ERP44: variants seen among roughly 807,000 people sequenced by gnomAD.
ERP44 encodes endoplasmic reticulum protein 44.
A neutral mutation model predicts 53.4 loss-of-function variants in ERP44; 25 were observed. The ratio of observed to expected loss-of-function variants is 0.47; its 90% CI spans 0.34 to 0.65. The LOEUF (loss-of-function observed/expected upper bound fraction) is 0.65, where lower values mean the gene tolerates loss of function less well. Ranked by LOEUF, ERP44 falls within the 30% of genes least tolerant of loss-of-function variation. The pLI is 0.01. For synonymous variants in ERP44, 145 were observed against 161.2 expected (o/e 0.90, Z 0.76); for missense variants, 338 against 493.2 (o/e 0.69, Z 2.98).
In ERP44 at chr9:100,034,526, T is replaced by C. The variant is rs563836908; in HGVS notation, c.287-12300A>G. 2.4e-4 allele frequency among the ~76,000 whole-genome samples: 36 copies of C among 152,288 alleles called. 1 individual carries two copies. In the South Asian group the frequency reaches 7.0e-3, roughly 30 times the overall value. ...CTGCCTATGCAGCAGCCATTTCTTT[T>C]ATTCCCTTGCTTTCCTAATTAATTT... On this transcript the variant is annotated intron_variant, in intron 4 of 11. Coordinates refer to ENST00000262455, the MANE Select transcript of ERP44 (RefSeq NM_015051.3).
chr9:100,018,292 T>C lies in ERP44; in HGVS notation c.609A>G (p.Arg203=), dbSNP rs777725295. 6.2e-7 allele frequency: 1 copy of C among 1,607,622 alleles called. No homozygotes were observed. The highest frequency in any genetic ancestry group is 8.5e-7 in the Non-Finnish European group (1 of 1,174,262). The change falls in exon 7 of 12, where the codon AGA becomes AGG. Residue 203 remains arginine, a synonymous_variant. Transcript: ENST00000262455. The part of the protein sequence containing the change: ...SAFGDVSKPE[R]YSGDNIIYKP... ...TGTAGATTATGTTGTCGCCACTATA[T>C]CTTTCCGGTTTTGAAACATCCCTAT...
At chr9:100,010,031 G>A (rs572760171) in intron 8 of ERP44, among the ~76,000 whole-genome samples, 17 of 151,914 alleles carry the variant, frequency 1.1e-4, no homozygotes, top group Admixed American at 5.2e-4. Context: ...CATGTGGCAC[G>A]GGGCATGACT....
chr9:100,086,051 A>G (rs1826478082), intron 1 of ERP44, among the ~76,000 whole-genome samples: 1 of 152,328 alleles, frequency 6.6e-6, no homozygotes, highest in African/African-American at 2.4e-5. Flanking sequence ...ATCATTTTCC[A>G]TATACCTAGT....
intron 1 of ERP44, among the ~76,000 whole-genome samples, chr9:100,079,895 A>G (rs1425953684): frequency 6.6e-6 from 1 of 151,688 alleles, no homozygotes; most frequent in East Asian, 1.9e-4. Flanking sequence ...TGACTGCAGC[A>G]CTGCACTCTA....
rs560542455 is a variant in ERP44, at chr9:100,097,011, C to T, written c.57+1773G>A. ...TGTATTCCAATTAAATCTAGTTTGACTTGTAATTCTAGTTTAAACCTTTTC... is the reference window on the plus strand; with the variant it reads ...TGTATTCCAATTAAATCTAGTTTGATTTGTAATTCTAGTTTAAACCTTTTC... On this transcript the variant is annotated intron_variant, in intron 1 of 11. Transcript: ENST00000262455. Among the ~76,000 whole-genome samples the T allele has an allele frequency of 3.4e-4, 52 of 152,204 alleles. No individual in the cohort carries two copies. In the South Asian group the frequency reaches 1.0e-2, roughly 29 times the overall value.
At chr9:100,021,784 A>C (rs1830592300) in intron 5 of ERP44, among the ~76,000 whole-genome samples, 1 of 152,242 alleles carries the variant, frequency 6.6e-6, no homozygotes, top group African/African-American at 2.4e-5. Flanking sequence ...CCATTTCTTT[A>C]TAATTGAGGC....
chr9:99,993,730 T>A (rs906186872), intron 10 of ERP44, among the ~76,000 whole-genome samples: 15 of 152,018 alleles, frequency 9.9e-5, no homozygotes, highest in South Asian at 4.1e-4. Flanking sequence ...CAGGCAACCT[T>A]AAGAATGGGA....
chr9:100,076,577 C>T (rs1438153720), intron 1 of ERP44, among the ~76,000 whole-genome samples: 2 of 152,194 alleles, frequency 1.3e-5, no homozygotes, highest in Non-Finnish European at 2.9e-5. Context: ...GTGTACCTGG[C>T]TGTGCACTTT....
intron 4 of ERP44, among the ~76,000 whole-genome samples, chr9:100,048,957 C>T (rs1183301843): frequency 6.6e-6 from 1 of 152,078 alleles, no homozygotes; most frequent in Non-Finnish European, 1.5e-5. Flanking sequence ...AATGTGAATA[C>T]ATTTAACAGT....
intron 7 of ERP44, among the ~76,000 whole-genome samples, chr9:100,016,867 G>A (rs1384271035): frequency 2.6e-5 from 4 of 152,196 alleles, no homozygotes; most frequent in Admixed American, 6.5e-5. Context: ...TCTAACCTGT[G>A]ACACCCAAGC....
intron 7 of ERP44, 90 bp from the exon 8 acceptor site, chr9:100,016,528 G>A: frequency 7.0e-7 from 1 of 1,418,600 alleles, no homozygotes; most frequent in Non-Finnish European, 9.2e-7. Flanking sequence ...TTAAAGCAAG[G>A]TCTCACTCTG....
chr9:100,006,710 T>C (rs1026298230), intron 9 of ERP44, 63 bp from the exon 10 acceptor site: 17 of 1,209,104 alleles, frequency 1.4e-5, no homozygotes, highest in Non-Finnish European at 2.0e-5. Context: ...TTTGTAAGAT[T>C]GCAAGCTCAC....
chr9:100,066,643 T>A (rs1826212028), intron 1 of ERP44, among the ~76,000 whole-genome samples: 1 of 152,188 alleles, frequency 6.6e-6, no homozygotes, highest in Non-Finnish European at 1.5e-5. Flanking sequence ...GATTGACAAG[T>A]CAGCCTACCA....
chr9:100,016,710 C>T (rs188975842), intron 7 of ERP44, among the ~76,000 whole-genome samples: 3 of 152,160 alleles, frequency 2.0e-5, no homozygotes, highest in Non-Finnish European at 4.4e-5. Flanking sequence ...TTATGTTGCC[C>T]AGGCTAAAAA....
chr9:100,086,853 G>A (rs1384846352), intron 1 of ERP44, among the ~76,000 whole-genome samples: 3 of 151,966 alleles, frequency 2.0e-5, no homozygotes, highest in Admixed American at 6.5e-5. Flanking sequence ...GCCTTCTGGG[G>A]AAAGAATCCA....
At chr9:100,039,628 A>T (rs1825881801) in intron 4 of ERP44, among the ~76,000 whole-genome samples, 1 of 152,096 alleles carries the variant, frequency 6.6e-6, no homozygotes, top group Admixed American at 6.5e-5. Context: ...GAAAAGCAAG[A>T]TCAAACCAAA....
At chr9:100,065,473 T>C (rs999467851) in intron 1 of ERP44, among the ~76,000 whole-genome samples, 2 of 152,094 alleles carry the variant, frequency 1.3e-5, no homozygotes, top group Non-Finnish European at 2.9e-5. Flanking sequence ...AGAGAGTCTA[T>C]AATATTCTCA....
chr9:100,068,369 C>G (rs1224780535), intron 1 of ERP44, among the ~76,000 whole-genome samples: 14 of 125,058 alleles, frequency 1.1e-4, no homozygotes, highest in Middle Eastern at 5.3e-3. Flanking sequence ...CCGCCCCGTC[C>G]GGGAGGGAGG....
chr9:100,080,983 A>G lies in ERP44; in HGVS notation c.57+17801T>C, dbSNP rs538432312. ...TATGAAAAGAACTACTTTTCAAAAT[A>G]AACAAAAAACCTAGATTGCATAGTA... On this transcript the variant is annotated intron_variant, in intron 1 of 11. Transcript: ENST00000262455. 3.3e-4 allele frequency among the ~76,000 whole-genome samples: 51 copies of G among 152,256 alleles called. No homozygotes were observed. In the South Asian group the frequency reaches 0.01, roughly 30 times the overall value.
Sources: gnomAD v4.1 joint callset for allele counts (sites outside exome capture counted in the v4.1 genomes callset) on GRCh38, gnomAD v4.1.1 for gene constraint, MANE v1.5 for transcripts, NCBI Gene and HGNC (gene_info 2026-07-23, HGNC 2026-07-21) for gene names.